The following PEX2 variants were observed in gnomAD, a reference collection of about 807,000 sequenced individuals.
PEX2 encodes peroxisomal biogenesis factor 2, also known as peroxisome biogenesis factor 2.
PEX2 carries 19 observed loss-of-function variants against 25.2 expected under a neutral mutation model. That is an observed-to-expected ratio of 0.75 (90% CI 0.53 to 1.10). PEX2 has a LOEUF of 1.10. Among genes scored for constraint, PEX2 ranks in the 50% least tolerant of loss-of-function variants. The pLI, the probability that PEX2 is intolerant of heterozygous loss-of-function variation, is 0.00. For missense variants in PEX2, 347 were observed against 350.6 expected, an observed-to-expected ratio of 0.99 and a Z score of 0.08; for synonymous variants, 141 against 127.7, an observed-to-expected ratio of 1.10 and a Z score of -0.70.
At chr8:76,990,588 C>T (rs1807140974) in intron 1 of PEX2, among the ~76,000 whole-genome samples, 1 of 152,082 alleles carries the variant, frequency 6.6e-6, no homozygotes, top group South Asian at 2.1e-4. Context: ...CTTAATTGGC[C>T]TAATTTCAAC....
chr8:77,000,861 G>C (rs1350360630), upstream of PEX2: 1 of 152,374 alleles, frequency 6.6e-6, no homozygotes, highest in African/African-American at 2.4e-5. Flanking sequence ...CTGGGAATGG[G>C]GTCTGAGGGA....
At chr8:76,992,135 T>G (rs1199185409) in intron 1 of PEX2, among the ~76,000 whole-genome samples, 1 of 152,166 alleles carries the variant, frequency 6.6e-6, no homozygotes, top group Non-Finnish European at 1.5e-5. Context: ...AGAGATATGA[T>G]GGTTCAGTGG....
intron 1 of PEX2, among the ~76,000 whole-genome samples, chr8:76,993,689 G>T (rs552229156): frequency 6.6e-6 from 1 of 152,076 alleles, no homozygotes. Context: ...TTTGTAAAAA[G>T]AATTGCTTTG....
rs149287302 is a variant in PEX2 at position 76,984,088 on chromosome 8, G to T, written c.91C>A (p.Gln31Lys). Reference protein sequence around the residue: ...DALELNKALEQLVWSQFTQCF... With the variant: ...DALELNKALEKLVWSQFTQCF... The stretch of plus-strand genomic sequence containing the variant: ...TGAGTAAACTGGGACCAAACTAGCT[G>T]CTCCAGGGCCTTGTTTAGTTCAAGT... Residue 31 changes from glutamine to lysine, a missense_variant, in exon 4 of 4, where the codon CAG (glutamine) becomes AAG (lysine). By Grantham distance (53) the Gln-to-Lys change is moderately conservative. Transcript: ENST00000357039. 2 of 1,612,476 alleles carry T rather than the reference G, an allele frequency of 1.2e-6. No homozygotes were observed. Among genetic ancestry groups the T allele is most frequent in the South Asian group, 1.1e-5 (1 of 90,894 alleles).
At chr8:76,984,842 AG>A (rs1342746585) in intron 3 of PEX2, among the ~76,000 whole-genome samples, 2 of 152,196 alleles carry the variant, frequency 1.3e-5, no homozygotes, top group East Asian at 3.8e-4. Flanking sequence ...CTTAGTATGA[AG>A]GAACAAGAAT....
chr8:77,000,788 C>G (rs932434810), upstream of PEX2: 2 of 152,458 alleles, frequency 1.3e-5, no homozygotes, highest in African/African-American at 4.8e-5. Flanking sequence ...TCACATCTCC[C>G]CGGTAACGCT....
At chr8:76,990,303 T>C (rs1386319089) in intron 1 of PEX2, among the ~76,000 whole-genome samples, 1 of 152,138 alleles carries the variant, frequency 6.6e-6, no homozygotes, top group East Asian at 1.9e-4. Context: ...CACTAAAACT[T>C]GTCCCACATC....
chr8:76,994,240 T>G (rs1807255577), intron 1 of PEX2, among the ~76,000 whole-genome samples: 1 of 152,206 alleles, frequency 6.6e-6, no homozygotes, highest in South Asian at 2.1e-4. Context: ...ATAAAAACTT[T>G]GCCATCTATA....
chr8:76,990,478 T>A (rs566668795), intron 1 of PEX2, among the ~76,000 whole-genome samples: 1 of 152,160 alleles, frequency 6.6e-6, no homozygotes, highest in Non-Finnish European at 1.5e-5. Flanking sequence ...TCACTAAGCT[T>A]AGCAAAATCT....
chr8:76,995,717 A>T (rs1463018912), intron 1 of PEX2, among the ~76,000 whole-genome samples: 1 of 152,120 alleles, frequency 6.6e-6, no homozygotes, highest in Non-Finnish European at 1.5e-5. Context: ...TGGCACTCAT[A>T]TTTTTTTCTT....
intron 1 of PEX2, among the ~76,000 whole-genome samples, chr8:76,993,016 C>T (rs891115927): frequency 2.0e-5 from 3 of 152,146 alleles, no homozygotes; most frequent in Admixed American, 1.3e-4. Flanking sequence ...CTGGGACATA[C>T]GGACATGAGT....
Position 76,983,962 on chromosome 8 carries a change from T to A in PEX2, c.217A>T (p.Asn73Tyr), listed in dbSNP as rs1193802045. The A allele has an allele frequency of 3.1e-6, 5 of 1,614,146 alleles. No homozygotes were observed. Among genetic ancestry groups the A allele is most frequent in the Non-Finnish European group, 4.2e-6 (5 of 1,180,016 alleles). Residue 73 changes from asparagine (N) to tyrosine (Y), a missense_variant, in exon 4 of 4, where the codon AAT (asparagine) becomes TAT (tyrosine). Coordinates refer to ENST00000357039, the MANE Select transcript of PEX2 (RefSeq NM_000318.3). ...AAAACTGACTGTCCCACTGTGGCATTTTTGGAGTAGATGGTGAATCTCCAC... is the reference window on the plus strand; with the variant it reads ...AAAACTGACTGTCCCACTGTGGCATATTTGGAGTAGATGGTGAATCTCCAC... ...FLWRFTIYSKNATVGQSVLNI... is the reference protein window; with the variant it reads ...FLWRFTIYSKYATVGQSVLNI...
chr8:76,983,205 A>G lies in PEX2; in HGVS notation c.*56T>C. On this transcript the variant is annotated 3_prime_UTR_variant, in exon 4 of 4. Coordinates refer to ENST00000357039, the MANE Select transcript of PEX2 (RefSeq NM_000318.3). The stretch of plus-strand genomic sequence containing the variant: ...ATAAATGGTATACTTAGGATGACTA[A>G]TATTAAGAATTTAAACACGGTGCAT... 1 of 1,601,554 alleles carries G rather than the reference A, an allele frequency of 6.2e-7. No individual in the cohort carries two copies. The highest frequency in any genetic ancestry group is 8.5e-7 in the Non-Finnish European group (1 of 1,179,694).
At chr8:76,987,487 G>C (rs1314663092) in intron 2 of PEX2, among the ~76,000 whole-genome samples, 1 of 152,156 alleles carries the variant, frequency 6.6e-6, no homozygotes, top group Non-Finnish European at 1.5e-5. Context: ...AAGCCAAGCT[G>C]AGGAGGCTGT....
Position 76,983,133 on chromosome 8 carries a change from G to C in PEX2, c.*128C>G. 6.4e-7 allele frequency: 1 copy of C among 1,558,622 alleles called. No individual in the cohort carries two copies. The highest frequency in any genetic ancestry group is 8.6e-7 in the Non-Finnish European group (1 of 1,159,042). On this transcript the variant is annotated 3_prime_UTR_variant, in exon 4 of 4. Coordinates refer to ENST00000357039, the MANE Select transcript of PEX2 (RefSeq NM_000318.3). ...CAGTGATTAGATTTCAGTCATGCCT[G>C]GAAAGGAGAAGACAGTGGCTAGGAG...
rs751121794 is a variant in PEX2, at chr8:76,983,407, C to CTA, written c.770_771dup (p.Gly258Ter). The stretch of plus-strand genomic sequence containing the variant: ...AAATAACAGAAAATATGCTCACATC[C>CTA]TATGGTGTGAGGCATGGTGGGCCAC... On this transcript the variant is annotated frameshift_variant, in exon 4 of 4. Transcript: ENST00000357039. LOFTEE classifies it high-confidence loss of function. The CTA allele has an allele frequency of 3.7e-6, 6 of 1,613,804 alleles. No homozygotes were observed. Among genetic ancestry groups the CTA allele is most frequent in the Non-Finnish European group, 4.2e-6 (5 of 1,179,770 alleles).
Position 76,988,502 on chromosome 8 carries a change from A to T in PEX2, c.-159-164T>A, listed in dbSNP as rs1212283050. Among the ~76,000 whole-genome samples, 4 of 152,208 alleles carry T rather than the reference A, an allele frequency of 2.6e-5. No homozygotes were observed. In the East Asian group the frequency reaches 7.7e-4, roughly 29 times the overall value. On this transcript the variant is annotated intron_variant, in intron 1 of 3. Transcript: ENST00000357039. ...CTTAATTAAAAATTACTTGATTGCT[A>T]AAAAATGCTAACAACCATCTGAGCC... is the stretch of plus-strand genomic sequence containing the variant.
upstream of PEX2, chr8:77,000,990 C>T (rs1173270933): frequency 6.6e-6 from 1 of 152,190 alleles, no homozygotes; most frequent in African/African-American, 2.4e-5. Context: ...TGATGGCAGG[C>T]ACTTCAGGAT....
intron 1 of PEX2, among the ~76,000 whole-genome samples, chr8:76,994,330 TGAGTA>T (rs1441719847): frequency 1.3e-5 from 2 of 152,172 alleles, no homozygotes; most frequent in African/African-American, 2.4e-5. Context: ...ATAGTTTTAT[TGAGTA>T]TAGTACAAAT....
Sources: gnomAD v4.1 joint callset for allele counts (sites outside exome capture counted in the v4.1 genomes callset) on GRCh38, gnomAD v4.1.1 for gene constraint, MANE v1.5 for transcripts, NCBI Gene and HGNC (gene_info 2026-07-23, HGNC 2026-07-21) for gene names.